The following ROBO2 variants were observed in gnomAD, a reference collection of about 807,000 sequenced individuals.
ROBO2 encodes roundabout homolog 2.
In ROBO2, 53 loss-of-function variants were observed where a neutral mutation model predicts 160.8. The observed-to-expected ratio is 0.33, with a 90% CI of 0.26 to 0.41. ROBO2 has a LOEUF of 0.41. ROBO2 is among the 10% of genes least tolerant of loss of function. The pLI, the probability that ROBO2 is intolerant of heterozygous loss-of-function variation, is 1.00. For missense variants in ROBO2, 1,577 were observed against 1,722.4 expected, an observed-to-expected ratio of 0.92 and a Z score of 1.49; for synonymous variants, 664 against 611.7, an observed-to-expected ratio of 1.09 and a Z score of -1.26.
At chr3:75,919,635 C>T (rs775045320) in intron 1 of ROBO2, among the ~76,000 whole-genome samples, 37 of 152,106 alleles carry the variant, frequency 2.4e-4, no homozygotes, top group Non-Finnish European at 8.8e-5. Context: ...TTGTACCTCT[C>T]GTAGAACTTG....
At chr3:76,427,202 G>A (rs1317381098) in intron 2 of ROBO2, among the ~76,000 whole-genome samples, 1 of 151,764 alleles carries the variant, frequency 6.6e-6, no homozygotes, top group Non-Finnish European at 1.5e-5. Context: ...TTCCACTACT[G>A]TGTTCTGGCT....
chr3:76,232,723 A>C (rs1704694993), intron 2 of ROBO2, among the ~76,000 whole-genome samples: 1 of 152,208 alleles, frequency 6.6e-6, no homozygotes, highest in Non-Finnish European at 1.5e-5. Flanking sequence ...TTTCATGATC[A>C]CAGATTACAG....
At chr3:76,199,565 T>A (rs1702421912) in intron 2 of ROBO2, among the ~76,000 whole-genome samples, 1 of 152,014 alleles carries the variant, frequency 6.6e-6, no homozygotes, top group African/African-American at 2.4e-5. Flanking sequence ...CGTGAGAGGA[T>A]GAATGTACAA....
intron 2 of ROBO2, among the ~76,000 whole-genome samples, chr3:77,101,131 G>C (rs1323214249): frequency 6.6e-6 from 1 of 152,224 alleles, no homozygotes; most frequent in Non-Finnish European, 1.5e-5. Context: ...ATTGAAGTCA[G>C]AGAGGCATTA....
intron 2 of ROBO2, among the ~76,000 whole-genome samples, chr3:77,270,126 G>T (rs1177300191): frequency 6.6e-6 from 1 of 152,144 alleles, no homozygotes; most frequent in African/African-American, 2.4e-5. Context: ...TAGCTATAAT[G>T]AGTTCATACT....
At chr3:76,472,152 T>C (rs189611033) in intron 2 of ROBO2, among the ~76,000 whole-genome samples, 19 of 151,902 alleles carry the variant, frequency 1.3e-4, no homozygotes, top group Admixed American at 9.2e-4. Context: ...TATAGCCACA[T>C]TTCCTACCAT....
intron 2 of ROBO2, among the ~76,000 whole-genome samples, chr3:75,963,187 T>G (rs1181105355): frequency 6.6e-6 from 1 of 151,232 alleles, no homozygotes; most frequent in African/African-American, 2.4e-5. Flanking sequence ...CTATTTTTAT[T>G]TATTTATTTA....
chr3:76,363,208 C>T (rs1005986133), intron 2 of ROBO2, among the ~76,000 whole-genome samples: 1 of 151,944 alleles, frequency 6.6e-6, no homozygotes, highest in Admixed American at 6.6e-5. Flanking sequence ...TACACACACA[C>T]ACAGGCACAC....
In ROBO2 at chr3:77,068,350, A is replaced by G. The variant is rs529334198; in HGVS notation, c.61+27504A>G. On this transcript the variant is annotated intron_variant, in intron 1 of 25. Transcript: ENST00000461745. ...AACTTTTGCCTACAAGTTTCCTTCT[A>G]TTGTGTCATGATTTCTCAAGGGAAG... 3.3e-5 allele frequency among the ~76,000 whole-genome samples: 5 copies of G among 152,240 alleles called. No individual in the cohort carries two copies. The East Asian group carries it at 9.7e-4, about 29-fold the overall frequency.
intron 2 of ROBO2, among the ~76,000 whole-genome samples, chr3:76,994,911 A>C (rs2060900811): frequency 6.6e-6 from 1 of 152,170 alleles, no homozygotes. Context: ...TTTTTCATTA[A>C]TTTGGAATTA....
At chr3:77,203,068 G>T (rs539570880) in intron 2 of ROBO2, among the ~76,000 whole-genome samples, 1 of 152,198 alleles carries the variant, frequency 6.6e-6, no homozygotes, top group Non-Finnish European at 1.5e-5. Context: ...AGTCAGTTGG[G>T]ATTTGAAGGG....
intron 2 of ROBO2, among the ~76,000 whole-genome samples, chr3:76,385,682 T>A (rs2076849538): frequency 6.6e-6 from 1 of 152,210 alleles, no homozygotes; most frequent in Admixed American, 6.5e-5. Flanking sequence ...CTAATATTCA[T>A]TTTTTTCATA....
intron 2 of ROBO2, among the ~76,000 whole-genome samples, chr3:76,483,730 C>T (rs1459000121): frequency 6.6e-6 from 1 of 152,132 alleles, no homozygotes; most frequent in East Asian, 1.9e-4. Flanking sequence ...CCTCCACCCT[C>T]TGATAGGCCC....
chr3:77,155,187 A>T (rs2077896550), intron 2 of ROBO2, among the ~76,000 whole-genome samples: 1 of 152,056 alleles, frequency 6.6e-6, no homozygotes, highest in Admixed American at 6.6e-5. Context: ...GTCCTCAATG[A>T]TGTCTGAGTC....
At chr3:77,084,089 A>G (rs1172414687) in intron 1 of ROBO2, among the ~76,000 whole-genome samples, 1 of 152,092 alleles carries the variant, frequency 6.6e-6, no homozygotes, top group Non-Finnish European at 1.5e-5. Context: ...GACAATTCAC[A>G]CTTCTAGTTC....
chr3:77,467,320 C>T (rs1316089527), intron 2 of ROBO2, among the ~76,000 whole-genome samples: 2 of 151,920 alleles, frequency 1.3e-5, no homozygotes, highest in African/African-American at 4.8e-5. Flanking sequence ...TTTCTTTGGT[C>T]TAATGGTAAG....
rs190332294 is a variant in ROBO2 at position 75,977,945 on chromosome 3, A to G, written c.109+40343A>G. On this transcript the variant is annotated intron_variant, in intron 2 of 26. Transcript: ENST00000487694. ...CTTTTCAATTTAGAGACACTATCCT[A>G]AAACCAACTCAATGGAAAGATGTTA... is the stretch of plus-strand genomic sequence containing the variant. Among the ~76,000 whole-genome samples, 859 of 151,666 alleles carry G rather than the reference A, an allele frequency of 5.7e-3. 32 individuals carry two copies. Among genetic ancestry groups the G allele is most frequent in the Admixed American group, 0.046 (698 of 15,148 alleles).
intron 2 of ROBO2, among the ~76,000 whole-genome samples, chr3:76,141,949 T>A (rs1364538115): frequency 6.6e-6 from 1 of 151,938 alleles, no homozygotes; most frequent in Non-Finnish European, 1.5e-5. Flanking sequence ...TGCACATTAG[T>A]TAAATGAATG....
chr3:76,436,462 T>G (rs2076688009), intron 2 of ROBO2, among the ~76,000 whole-genome samples: 1 of 152,198 alleles, frequency 6.6e-6, no homozygotes, highest in Non-Finnish European at 1.5e-5. Flanking sequence ...CAGGCTGGTT[T>G]TAGGTCTTGA....
Sources: allele counts gnomAD v4.1 joint callset (sites outside exome capture counted in the v4.1 genomes callset), GRCh38; gene constraint gnomAD v4.1.1; transcripts MANE v1.5; gene names NCBI Gene and HGNC (gene_info 2026-07-23, HGNC 2026-07-21).